The following CELF2 variants were observed in gnomAD, a reference collection of about 807,000 sequenced individuals.
CELF2 encodes the protein CUG triplet repeat RNA-binding protein 2.
CELF2 carries 8 observed loss-of-function variants against 62.6 expected under a neutral mutation model. That is an observed-to-expected ratio of 0.13 (90% CI 0.07 to 0.23). The LOEUF (loss-of-function observed/expected upper bound fraction) is 0.23, where lower values mean the gene tolerates loss of function less well. Ranked by LOEUF, CELF2 falls within the 10% of genes least tolerant of loss-of-function variation. The pLI, the probability that CELF2 is intolerant of heterozygous loss-of-function variation, is 1.00. For synonymous variants in CELF2, 258 were observed against 250.0 expected (o/e 1.03, Z -0.30); for missense variants, 333 against 671.0 (o/e 0.50, Z 5.56).
the CELF2 span, among the ~76,000 whole-genome samples, chr10:10,785,636 A>T: frequency 6.6e-6 from 1 of 152,172 alleles, no homozygotes; most frequent in African/African-American, 2.4e-5. Context: ...AAAAACAAAC[A>T]CTGCATGGTC....
the CELF2 span, among the ~76,000 whole-genome samples, chr10:10,652,660 A>C: frequency 6.6e-6 from 1 of 152,076 alleles, no homozygotes; most frequent in Non-Finnish European, 1.5e-5. Context: ...TACTTCACAG[A>C]CAAGCAAATG....
At chr10:10,901,571 C>T (rs1407114776) in intron 1 of CELF2, among the ~76,000 whole-genome samples, 2 of 152,084 alleles carry the variant, frequency 1.3e-5, no homozygotes, top group Non-Finnish European at 2.9e-5. Context: ...TAGAAGAAAA[C>T]ATTGGAGAAA....
At position 11,177,965 on chromosome 10, in the gene CELF2, C is replaced by T. The variant is rs554036186; in HGVS notation, c.271+12283C>T. Among the ~76,000 whole-genome samples, 1 of 152,174 alleles carries T rather than the reference C, an allele frequency of 6.6e-6. No individual in the cohort carries two copies. The highest frequency in any genetic ancestry group is 2.1e-4 in the South Asian group (1 of 4,830). ...GACAGCCCCTGTGAGGCTCAGTAAGCCGCAGCCTAGATTGGAACAGCGTGA... is the reference window on the plus strand; with the variant it reads ...GACAGCCCCTGTGAGGCTCAGTAAGTCGCAGCCTAGATTGGAACAGCGTGA... On this transcript the variant is annotated intron_variant, in intron 2 of 12. Transcript: ENST00000633077. The surrounding 1 kb of genome is among the most constrained non-coding windows in gnomAD (Gnocchi z 4.8).
chr10:10,889,117 G>C (rs2061962241), intron 1 of CELF2, among the ~76,000 whole-genome samples: 1 of 152,318 alleles, frequency 6.6e-6, no homozygotes, highest in South Asian at 2.1e-4. Context: ...GAAGAAAGCA[G>C]AAAGAGGTTG....
At chr10:10,575,284 T>G in the CELF2 span, among the ~76,000 whole-genome samples, 4 of 152,176 alleles carry the variant, frequency 2.6e-5, no homozygotes, top group African/African-American at 7.2e-5. Context: ...TAGAATAAGG[T>G]CTAACTCATG....
the CELF2 span, among the ~76,000 whole-genome samples, chr10:10,645,661 T>TA: frequency 6.6e-6 from 1 of 152,168 alleles, no homozygotes; most frequent in South Asian, 2.1e-4. Flanking sequence ...CTCAAAAAAA[T>TA]AAAAAATAAA....
intron 1 of CELF2, among the ~76,000 whole-genome samples, chr10:11,028,827 C>G (rs2059672408): frequency 6.6e-6 from 1 of 151,024 alleles, no homozygotes; most frequent in Non-Finnish European, 1.5e-5. Context: ...TCAAGTGATT[C>G]TCCTGCCTCA....
Position 10,947,754 on chromosome 10 carries a change from C to T in CELF2, c.89+27755C>T, listed in dbSNP as rs1246005161. 6.6e-6 allele frequency among the ~76,000 whole-genome samples: 1 copy of T among 152,148 alleles called. No individual in the cohort carries two copies. The highest frequency in any genetic ancestry group is 1.5e-5 in the Non-Finnish European group (1 of 68,020). On this transcript the variant is annotated intron_variant, in intron 2 of 13. Transcript: ENST00000636488. The surrounding 1 kb of genome is among the most constrained non-coding windows in gnomAD (Gnocchi z 4.1). ...CATGAGTAGCGTAAGAAGACACATA[C>T]ACACATCTTCACCACAGAAGAAAAA...
chr10:10,926,212 T>C (rs1392035778), intron 2 of CELF2, among the ~76,000 whole-genome samples: 1 of 152,040 alleles, frequency 6.6e-6, no homozygotes, highest in Non-Finnish European at 1.5e-5. Context: ...TACTCCTCAA[T>C]GTGACTCTGG....
At chr10:10,911,403 A>AAGTCCATTTTC in intron 1 of CELF2, among the ~76,000 whole-genome samples, 1 of 152,360 alleles carries the variant, frequency 6.6e-6, no homozygotes, top group East Asian at 1.9e-4. Context: ...AAGGACTCTC[A>AAGTCCATTTTC]ACAGGACTCC....
chr10:11,141,987 A>G (rs533632496), intron 1 of CELF2, among the ~76,000 whole-genome samples: 2 of 152,204 alleles, frequency 1.3e-5, no homozygotes, highest in African/African-American at 4.8e-5. Context: ...AATGAAGATA[A>G]CGACTGCAAA....
At chr10:10,722,713 C>T in the CELF2 span, among the ~76,000 whole-genome samples, 1 of 152,192 alleles carries the variant, frequency 6.6e-6, no homozygotes, top group Non-Finnish European at 1.5e-5. Context: ...AGCAAAGACA[C>T]TTGATTTTCT....
rs1261584412 is a variant in CELF2 at position 11,297,430 on chromosome 10, G to A, written c.976+8878G>A. Among the ~76,000 whole-genome samples the A allele has an allele frequency of 6.6e-6, 1 of 152,074 alleles. No individual in the cohort carries two copies. The highest frequency in any genetic ancestry group is 1.5e-5 in the Non-Finnish European group (1 of 68,012). Reference sequence around the variant, plus strand: ...GCGGGGACCAGGTGCAGAAAGCCTTGGGGTCTGTGCTTGTGGAACAGAGGG... The same window carrying A: ...GCGGGGACCAGGTGCAGAAAGCCTTAGGGTCTGTGCTTGTGGAACAGAGGG... On this transcript the variant is annotated intron_variant, in intron 9 of 12. Coordinates refer to ENST00000633077, the MANE Select transcript of CELF2 (RefSeq NM_001326342.2). The surrounding 1 kb of genome is among the most constrained non-coding windows in gnomAD (Gnocchi z 4.4).
chr10:10,969,529 A>G (rs2050525001), intron 2 of CELF2, among the ~76,000 whole-genome samples: 1 of 152,198 alleles, frequency 6.6e-6, no homozygotes, highest in Non-Finnish European at 1.5e-5. Flanking sequence ...GTTGTGCTAC[A>G]CATACAAAGA....
intron 9 of CELF2, among the ~76,000 whole-genome samples, chr10:11,308,074 T>C (rs758211721): frequency 4.6e-5 from 7 of 152,250 alleles, no homozygotes; most frequent in Non-Finnish European, 1.0e-4. Context: ...GTTTTTTCTT[T>C]TTAGCACTTT....
the CELF2 span, among the ~76,000 whole-genome samples, chr10:10,650,896 G>C: frequency 2.0e-5 from 3 of 152,124 alleles, no homozygotes; most frequent in East Asian, 1.9e-4. Context: ...AACAGCTCCG[G>C]TCTACAGCTC....
upstream of CELF2, among the ~76,000 whole-genome samples, chr10:11,003,899 T>G (rs942457032): frequency 4.6e-5 from 7 of 152,234 alleles, no homozygotes; most frequent in African/African-American, 1.7e-4. The surrounding 1 kb of genome is among the most constrained non-coding windows in gnomAD (Gnocchi z 4.4). Context: ...GATCTGATTT[T>G]TGTCAAGTGA....
In CELF2 at chr10:11,088,562, G is replaced by GCCGGCGTGCATACCCCTGCTCAC. The variant is rs747065195; in HGVS notation, c.74+70403_74+70404insCGTGCATACCCCTGCTCACCCGG. Among the ~76,000 whole-genome samples, 123 of 60,210 alleles carry GCCGGCGTGCATACCCCTGCTCAC rather than the reference G, an allele frequency of 2.0e-3. 2 individuals are homozygous for GCCGGCGTGCATACCCCTGCTCAC. Among genetic ancestry groups the GCCGGCGTGCATACCCCTGCTCAC allele is most frequent in the Non-Finnish European group, 3.2e-3 (101 of 31,174 alleles). 39.5% of individuals were successfully genotyped at this position (60,210 alleles called of 152,430 possible). A position where few individuals can be genotyped will look rare whatever the true frequency, so the allele number is the denominator to read the frequency against. On this transcript the variant is annotated intron_variant, in intron 1 of 12. Transcript: ENST00000633077. ...ACTAGAGGAGGAAGAGCCTAGCAGAGCCGGATTTCTCAAATGATGATGCTT... is the reference window on the plus strand; with the variant it reads ...ACTAGAGGAGGAAGAGCCTAGCAGAGCCGGCGTGCATACCCCTGCTCACCCGGATTTCTCAAATGATGATGCTT...
At chr10:11,275,510 TAGAC>T (rs748282090) in intron 8 of CELF2, among the ~76,000 whole-genome samples, 11 of 152,324 alleles carry the variant, frequency 7.2e-5, no homozygotes, top group Admixed American at 3.9e-4. Flanking sequence ...ATTTTAATAA[TAGAC>T]AGTCAATAAA....
Sources: gnomAD v4.1 joint callset for allele counts (sites outside exome capture counted in the v4.1 genomes callset) on GRCh38, gnomAD v4.1.1 for gene constraint, Gnocchi (gnomAD v3.1) non-coding constraint, MANE v1.5 for transcripts, NCBI Gene and HGNC (gene_info 2026-07-23, HGNC 2026-07-21) for gene names.